The following ANK2 variants were observed in gnomAD, a reference collection of about 807,000 sequenced individuals.
ANK2 encodes the protein ankyrin-2.
ANK2 carries 83 observed loss-of-function variants against 360.5 expected under a neutral mutation model. That is an observed-to-expected ratio of 0.23 (90% CI 0.19 to 0.28). The LOEUF (loss-of-function observed/expected upper bound fraction) is 0.28, where lower values mean the gene tolerates loss of function less well. ANK2 is among the 10% of genes least tolerant of loss of function. ANK2 has a pLI of 1.00. For synonymous variants in ANK2, 1,740 were observed against 1,759.5 expected (o/e 0.99, Z 0.28); for missense variants, 4,201 against 4,795.7 (o/e 0.88, Z 3.66).
At chr4:113,254,050 T>A (rs776917381) in intron 10 of ANK2, among the ~76,000 whole-genome samples, 1 of 152,142 alleles carries the variant, frequency 6.6e-6, no homozygotes, top group Non-Finnish European at 1.5e-5. Context: ...GCCTCAGGTG[T>A]TTTTCCCCCA....
intron 1 of ANK2, among the ~76,000 whole-genome samples, chr4:112,866,541 A>G (rs1001090580): frequency 3.3e-4 from 50 of 152,232 alleles, no homozygotes; most frequent in Admixed American, 2.6e-4. Context: ...AGACTTGGTT[A>G]TTGCAGAAAA....
chr4:113,367,372 C>T (rs767785179), intron 41 of ANK2, among the ~76,000 whole-genome samples, 194 bp from the exon 42 acceptor site: 2 of 152,040 alleles, frequency 1.3e-5, no homozygotes, highest in African/African-American at 2.4e-5. Flanking sequence ...CCGTTACTTG[C>T]GTGGACTCTT....
chr4:113,124,262 T>C (rs1367750365), intron 1 of ANK2, among the ~76,000 whole-genome samples: 42 of 152,160 alleles, frequency 2.8e-4, no homozygotes, highest in Admixed American at 2.8e-3. Context: ...CCTCAAACCT[T>C]TGGAGAGGTC....
chr4:113,158,514 A>G (rs966170859), intron 1 of ANK2, among the ~76,000 whole-genome samples: 2 of 152,070 alleles, frequency 1.3e-5, no homozygotes, highest in African/African-American at 2.4e-5. Flanking sequence ...AAAAAAATAA[A>G]CCAAATCAAA....
intron 1 of ANK2, among the ~76,000 whole-genome samples, chr4:112,875,628 G>A (rs1041484764): frequency 4.0e-5 from 6 of 151,846 alleles, no homozygotes; most frequent in Non-Finnish European, 8.8e-5. Context: ...GAGCCACCAC[G>A]CACAGCCCCT....
rs2043097993 is a variant in ANK2 at position 112,981,485 on chromosome 4, T to C, written c.21+76971T>C. The stretch of plus-strand genomic sequence containing the variant: ...GTGATAACCTGGAATGAAAGCGACC[T>C]TGCAGAGGTGGAACCATGGGATTTA... On this transcript the variant is annotated intron_variant, in intron 2 of 30. Transcript: ENST00000503271. Among the ~76,000 whole-genome samples the C allele has an allele frequency of 2.0e-5, 3 of 152,178 alleles. No individual in the cohort carries two copies. The South Asian group carries it at 6.2e-4, about 31-fold the overall frequency.
the ANK2 span, among the ~76,000 whole-genome samples, chr4:112,784,590 G>T: frequency 6.6e-6 from 1 of 151,500 alleles, no homozygotes; most frequent in East Asian, 1.9e-4. Context: ...TGATCCGCCC[G>T]CCTCGGCCTC....
chr4:112,713,370 G>T, the ANK2 span, among the ~76,000 whole-genome samples: 10 of 152,312 alleles, frequency 6.6e-5, no homozygotes, highest in African/African-American at 2.2e-4. Context: ...GGGCATTCGA[G>T]AGCAGCCTGA....
At chr4:113,146,251 A>T (rs76713843) in intron 1 of ANK2, among the ~76,000 whole-genome samples, 16,762 of 152,178 alleles carry the variant, frequency 0.11, 1,073 homozygotes, top group South Asian at 0.15. Context: ...AAGAGCAATG[A>T]CACTGTCTCT....
rs775594534 is a variant in ANK2 at position 113,282,904 on chromosome 4, T to G, written c.2079+32T>G. ...TGTCCTTTCTTGCATCAATCAAGAG[T>G]GTTTTGGATGCATGTAAACAGGAAC... is the stretch of plus-strand genomic sequence containing the variant. On this transcript the variant is annotated intron_variant, in intron 18 of 45. Coordinates refer to ENST00000357077, the MANE Select transcript of ANK2 (RefSeq NM_001148.6). The G allele has an allele frequency of 9.3e-6, 15 of 1,607,570 alleles. 1 individual carries two copies. Among genetic ancestry groups the G allele is most frequent in the Non-Finnish European group, 1.2e-5 (14 of 1,174,550 alleles).
Position 113,273,518 on chromosome 4 carries a change from C to T in ANK2, c.1486-934C>T, listed in dbSNP as rs181602155. The stretch of plus-strand genomic sequence containing the variant: ...ACTGCATGTTTTTGGATAGATCTTT[C>T]TTCCTCTATATACTTTTCTCCATTC... On this transcript the variant is annotated intron_variant, in intron 14 of 45. Coordinates refer to ENST00000357077, the MANE Select transcript of ANK2 (RefSeq NM_001148.6). 1.3e-3 allele frequency among the ~76,000 whole-genome samples: 192 copies of T among 152,160 alleles called. 1 individual carries two copies. Among genetic ancestry groups the T allele is most frequent in the African/African-American group, 4.4e-3 (182 of 41,528 alleles).
chr4:112,938,557 G>A lies in ANK2; in HGVS notation c.21+34043G>A, dbSNP rs190616664. Among the ~76,000 whole-genome samples, 1,020 of 152,004 alleles carry A rather than the reference G, an allele frequency of 6.7e-3. 4 individuals carry two copies. Among genetic ancestry groups the A allele is most frequent in the Non-Finnish European group, 0.011 (716 of 67,974 alleles). On this transcript the variant is annotated intron_variant, in intron 2 of 30. Transcript: ENST00000503271. ...ATGATATATTTTAAGCTGTATTTTG[G>A]TCATCCCAAAAATCAAGTAATGGCA...
intron 41 of ANK2, among the ~76,000 whole-genome samples, chr4:113,366,792 A>G (rs916109226): frequency 3.9e-5 from 6 of 152,142 alleles, no homozygotes; most frequent in African/African-American, 1.4e-4. Flanking sequence ...TTTTCTCCCA[A>G]TATTTATCAT....
At chr4:113,301,779 T>G (rs1386885483) in intron 22 of ANK2, among the ~76,000 whole-genome samples, 1 of 152,204 alleles carries the variant, frequency 6.6e-6, no homozygotes, top group Non-Finnish European at 1.5e-5. Flanking sequence ...AAATCACTGG[T>G]ATGTCTTGTG....
chr4:112,864,605 C>T (rs371685266), intron 1 of ANK2, among the ~76,000 whole-genome samples: 2 of 151,948 alleles, frequency 1.3e-5, no homozygotes, highest in African/African-American at 2.4e-5. Flanking sequence ...CCCCGGCGCC[C>T]GGCCGGTAAG....
the ANK2 span, among the ~76,000 whole-genome samples, chr4:112,809,901 G>A: frequency 6.7e-6 from 1 of 150,296 alleles, no homozygotes; most frequent in African/African-American, 2.4e-5. Flanking sequence ...CCTGCATTTG[G>A]GGAGAAATGT....
chr4:112,992,717 C>T (rs1338907252), intron 2 of ANK2, among the ~76,000 whole-genome samples: 1 of 152,124 alleles, frequency 6.6e-6, no homozygotes, highest in Non-Finnish European at 1.5e-5. Context: ...ATCAAGAGGG[C>T]TCCACCCTCA....
the ANK2 span, among the ~76,000 whole-genome samples, chr4:112,747,277 C>G: frequency 6.6e-6 from 1 of 152,114 alleles, no homozygotes; most frequent in Non-Finnish European, 1.5e-5. Context: ...GTGAGTGGCA[C>G]TAATAAGGAA....
At chr4:113,368,032 T>C (rs2096598450) in intron 42 of ANK2, among the ~76,000 whole-genome samples, 181 bp downstream of exon 42, 1 of 152,118 alleles carries the variant, frequency 6.6e-6, no homozygotes, top group South Asian at 2.1e-4. Context: ...ATTGTGACAG[T>C]GTTTGGGGCA....
Sources: gnomAD v4.1 joint callset for allele counts (sites outside exome capture counted in the v4.1 genomes callset) on GRCh38, gnomAD v4.1.1 for gene constraint, MANE v1.5 for transcripts, NCBI Gene and HGNC (gene_info 2026-07-23, HGNC 2026-07-21) for gene names.